Variants in EYS observed in about 807,000 individuals in gnomAD.
The protein encoded by EYS is EGF-like photoreceptor maintenance factor, also known as protein eyes shut homolog.
Under a neutral mutation model 282.1 loss-of-function variants are expected in EYS, and 250 were observed. The ratio of observed to expected loss-of-function variants is 0.89; its 90% CI spans 0.80 to 0.98. EYS has a LOEUF of 0.98. Ranked by LOEUF, EYS falls within the 50% of genes least tolerant of loss-of-function variation. The pLI, the probability that EYS is intolerant of heterozygous loss-of-function variation, is 0.00. For synonymous variants in EYS, 1,355 were observed against 1,282.9 expected (o/e 1.06, Z -1.20); for missense variants, 4,016 against 3,709.0 (o/e 1.08, Z -2.15).
At chr6:64,259,327 T>C (rs906718730) in intron 30 of EYS, among the ~76,000 whole-genome samples, 2 of 152,070 alleles carry the variant, frequency 1.3e-5, no homozygotes, top group Admixed American at 6.6e-5. Flanking sequence ...TTAGATAGGC[T>C]TCTTTCTGAA....
chr6:64,855,822 T>C (rs180964130), intron 19 of EYS, among the ~76,000 whole-genome samples: 2 of 152,326 alleles, frequency 1.3e-5, no homozygotes, highest in African/African-American at 4.8e-5. Flanking sequence ...ACAGTATTTA[T>C]AATTTGCCCT....
intron 19 of EYS, among the ~76,000 whole-genome samples, chr6:64,852,410 A>T (rs1452164385): frequency 1.3e-5 from 2 of 152,114 alleles, no homozygotes; most frequent in Non-Finnish European, 1.5e-5. Flanking sequence ...TCCTGCCCTC[A>T]AACATCAGAC....
chr6:64,654,090 G>A (rs958090135), intron 22 of EYS, among the ~76,000 whole-genome samples: 1 of 151,804 alleles, frequency 6.6e-6, no homozygotes, highest in Non-Finnish European at 1.5e-5. Flanking sequence ...ATGTTTTATA[G>A]TTTATGCATT....
chr6:64,165,186 C>T (rs1458298315), intron 31 of EYS, among the ~76,000 whole-genome samples: 1 of 151,874 alleles, frequency 6.6e-6, no homozygotes, highest in Non-Finnish European at 1.5e-5. Context: ...TCTGTTAAAA[C>T]TAAAAAAGCA....
chr6:64,844,343 T>C (rs1765657054), intron 19 of EYS, among the ~76,000 whole-genome samples: 1 of 151,000 alleles, frequency 6.6e-6, no homozygotes, highest in South Asian at 2.1e-4. Flanking sequence ...TAATTTAGAG[T>C]TTTTATGCTG....
At chr6:65,302,048 A>AT (rs572887076) in intron 11 of EYS, among the ~76,000 whole-genome samples, 1,530 of 152,172 alleles carry the variant, frequency 0.01, 5 homozygotes, top group African/African-American at 0.034. Flanking sequence ...TGGAAGATGG[A>AT]TTTTTTTTCA....
rs550631984 is a variant in EYS, at chr6:64,898,937, G to T, written c.2846+3176C>A. ...CCAAATATATATGCATACAATACAG[G>T]AGCACCCAGATTAATAAAGCAAGTA... On this transcript the variant is annotated intron_variant, in intron 18 of 42. Transcript: ENST00000503581. Among the ~76,000 whole-genome samples the T allele has an allele frequency of 7.8e-4, 118 of 151,694 alleles. 1 individual carries two copies. The highest frequency in any genetic ancestry group is 1.8e-4 in the Non-Finnish European group (12 of 67,902).
At chr6:64,518,134 C>T (rs1421279060) in intron 26 of EYS, among the ~76,000 whole-genome samples, 1 of 151,822 alleles carries the variant, frequency 6.6e-6, no homozygotes, top group African/African-American at 2.4e-5. Flanking sequence ...AAAACATTAT[C>T]CAAATTTTTG....
chr6:64,919,769 T>G, intron 15 of EYS, among the ~76,000 whole-genome samples: 1 of 152,258 alleles, frequency 6.6e-6, no homozygotes, highest in South Asian at 2.1e-4. Flanking sequence ...TCAATAATCT[T>G]TTTCAGAGTT....
intron 12 of EYS, among the ~76,000 whole-genome samples, chr6:65,077,552 G>A (rs975695943): frequency 6.6e-6 from 1 of 151,902 alleles, no homozygotes; most frequent in Non-Finnish European, 1.5e-5. Context: ...TTTCTGAAAC[G>A]CTCAAACAGA....
chr6:64,036,244 A>G (rs139604072), intron 33 of EYS, among the ~76,000 whole-genome samples: 9 of 152,296 alleles, frequency 5.9e-5, no homozygotes, highest in Non-Finnish European at 8.8e-5. Context: ...AAAAAAAAAG[A>G]TGATAGGACT....
chr6:65,094,474 G>T (rs1774679639), intron 12 of EYS, among the ~76,000 whole-genome samples: 1 of 151,144 alleles, frequency 6.6e-6, no homozygotes, highest in Non-Finnish European at 1.5e-5. Context: ...CACAATTGAG[G>T]CCACAATACA....
intron 12 of EYS, among the ~76,000 whole-genome samples, chr6:65,287,961 G>A (rs1207658583): frequency 6.6e-6 from 1 of 150,912 alleles, no homozygotes; most frequent in Admixed American, 6.6e-5. Flanking sequence ...GATCAAAGTA[G>A]GCAAAAATAT....
intron 8 of EYS, among the ~76,000 whole-genome samples, chr6:65,361,335 A>C (rs6903600): frequency 0.67 from 102,219 of 151,710 alleles, 34,537 homozygotes; most frequent in South Asian, 0.71. Context: ...GCACGTTGTG[A>C]ACATGTACCC....
intron 22 of EYS, among the ~76,000 whole-genome samples, chr6:64,655,840 C>T (rs1768725680): frequency 6.6e-6 from 1 of 151,906 alleles, no homozygotes; most frequent in Non-Finnish European, 1.5e-5. Context: ...ATGCATACAT[C>T]AAAATAAAAG....
intron 26 of EYS, among the ~76,000 whole-genome samples, chr6:64,586,626 A>G (rs367825673): frequency 6.6e-6 from 1 of 152,106 alleles, no homozygotes; most frequent in African/African-American, 2.4e-5. Context: ...TAAAATATCA[A>G]TTGAGTGTTA....
chr6:65,416,853 G>A (rs1767260782), intron 5 of EYS, among the ~76,000 whole-genome samples: 1 of 151,890 alleles, frequency 6.6e-6, no homozygotes, highest in African/African-American at 2.4e-5. Context: ...ATTTCTATGG[G>A]GAGAGAAAGA....
intron 30 of EYS, among the ~76,000 whole-genome samples, chr6:64,288,438 GACTCAGACC>G (rs1768577679): frequency 6.6e-6 from 1 of 152,032 alleles, no homozygotes. Context: ...GTTTTCTAGA[GACTCAGACC>G]ACTCCTTCCA....
At chr6:65,600,765 A>C (rs1056196411) in intron 2 of EYS, among the ~76,000 whole-genome samples, 91 of 151,962 alleles carry the variant, frequency 6.0e-4, no homozygotes, top group Non-Finnish European at 5.9e-5. Flanking sequence ...TTGTTTCTAA[A>C]ATATGACTTT....
Sources: gnomAD v4.1 joint callset for allele counts (sites outside exome capture counted in the v4.1 genomes callset) on GRCh38, gnomAD v4.1.1 for gene constraint, MANE v1.5 for transcripts, NCBI Gene and HGNC (gene_info 2026-07-23, HGNC 2026-07-21) for gene names.